The following GFRA1 variants were observed in gnomAD, a reference collection of about 807,000 sequenced individuals.
GFRA1 encodes GDNF family receptor alpha-1.
Under a neutral mutation model 51.6 loss-of-function variants are expected in GFRA1, and 16 were observed. That is an observed-to-expected ratio of 0.31 (90% confidence interval 0.21 to 0.47). GFRA1 has a LOEUF of 0.47. Among genes scored for constraint, GFRA1 ranks in the 20% least tolerant of loss-of-function variants. The probability of loss-of-function intolerance (pLI) is 1.00; values close to 1 mark genes in which losing one functional copy is unlikely to be tolerated. For missense variants in GFRA1, 530 were observed against 594.3 expected (o/e 0.89, Z 1.13); for synonymous variants, 270 against 241.3 (o/e 1.12, Z -1.10).
At chr10:116,251,956 T>C (rs896508885) in intron 4 of GFRA1, among the ~76,000 whole-genome samples, 25 of 119,652 alleles carry the variant, frequency 2.1e-4, no homozygotes, top group Admixed American at 4.9e-4. Context: ...CAGACAACAA[T>C]AGGCCTCTTT....
intron 6 of GFRA1, among the ~76,000 whole-genome samples, chr10:116,109,335 G>A (rs1004359399): frequency 6.6e-6 from 1 of 152,168 alleles, no homozygotes; most frequent in African/African-American, 2.4e-5. Flanking sequence ...TGTGAAGTAT[G>A]TGCTGCAGAA....
intron 9 of GFRA1, among the ~76,000 whole-genome samples, chr10:116,087,176 C>T (rs1388825016): frequency 6.6e-6 from 1 of 152,208 alleles, no homozygotes; most frequent in Non-Finnish European, 1.5e-5. Flanking sequence ...CAGTACAGAT[C>T]CTCCTTGCAG....
intron 5 of GFRA1, among the ~76,000 whole-genome samples, chr10:116,158,303 A>G (rs1959367211): frequency 6.6e-6 from 1 of 152,214 alleles, no homozygotes; most frequent in Admixed American, 6.5e-5. Flanking sequence ...AAGTACACAG[A>G]GAAAATATAC....
chr10:116,094,774 C>T (rs1443073185), intron 7 of GFRA1, among the ~76,000 whole-genome samples: 3 of 152,160 alleles, frequency 2.0e-5, no homozygotes, highest in Non-Finnish European at 4.4e-5. Flanking sequence ...CTGACATGAA[C>T]TAAATAACAT....
chr10:116,167,800 G>T (rs1438155420), intron 5 of GFRA1, among the ~76,000 whole-genome samples: 2 of 152,174 alleles, frequency 1.3e-5, no homozygotes, highest in East Asian at 3.9e-4. Flanking sequence ...CCTGAGGAAT[G>T]CTGCTTTACA....
Position 116,057,219 on chromosome 10 carries a change from A to C in GFRA1, c.*7179T>G, listed in dbSNP as rs1954584849. On this transcript the variant is annotated 3_prime_UTR_variant, in exon 11 of 11. Coordinates refer to ENST00000355422, the MANE Select transcript of GFRA1 (RefSeq NM_005264.8). ...AGCAGATACACAGGACGATGGACAAATGTGTCATCTTCTACCAGTGGGAAG... is the reference window on the plus strand; with the variant it reads ...AGCAGATACACAGGACGATGGACAACTGTGTCATCTTCTACCAGTGGGAAG... 1.3e-5 allele frequency: 2 copies of C among 152,158 alleles called. No homozygotes were observed. Among genetic ancestry groups the C allele is most frequent in the Non-Finnish European group, 2.9e-5 (2 of 68,038 alleles). 9.4% of individuals were successfully genotyped at this position (152,158 alleles called of 1,614,324 possible).
At chr10:116,173,107 T>G (rs1230292225) in intron 5 of GFRA1, among the ~76,000 whole-genome samples, 2 of 152,220 alleles carry the variant, frequency 1.3e-5, no homozygotes, top group African/African-American at 4.8e-5. Flanking sequence ...AGCAAGTACT[T>G]CTTTTTTTAA....
At chr10:116,239,592 C>A (rs764315395) in intron 4 of GFRA1, among the ~76,000 whole-genome samples, 2 of 152,132 alleles carry the variant, frequency 1.3e-5, no homozygotes, top group Admixed American at 1.3e-4. Context: ...CGTAACTTAA[C>A]AATGAATTCC....
intron 4 of GFRA1, among the ~76,000 whole-genome samples, chr10:116,225,643 G>A (rs750116847): frequency 6.7e-6 from 1 of 149,902 alleles, no homozygotes; most frequent in Non-Finnish European, 1.5e-5. Context: ...AGGCTGGAAT[G>A]CAGTGGTGTG....
At chr10:116,264,442 C>T (rs549040313) in intron 4 of GFRA1, among the ~76,000 whole-genome samples, 3 of 152,146 alleles carry the variant, frequency 2.0e-5, no homozygotes, top group Non-Finnish European at 4.4e-5. Flanking sequence ...GAGTTGACAC[C>T]TGGCATAACA....
chr10:116,065,670 G>C (rs775001184), intron 9 of GFRA1, 44 bp from the exon 10 acceptor site: 3 of 1,480,128 alleles, frequency 2.0e-6, no homozygotes, highest in East Asian at 2.3e-5. Context: ...TAATACAGAA[G>C]AGTAATTACT....
intron 5 of GFRA1, among the ~76,000 whole-genome samples, chr10:116,198,602 G>A (rs1362129094): frequency 1.3e-5 from 2 of 152,152 alleles, no homozygotes; most frequent in East Asian, 1.9e-4. Context: ...AAAGCTACTC[G>A]CCGTGTTTTC....
intron 9 of GFRA1, among the ~76,000 whole-genome samples, chr10:116,069,893 T>G (rs1224152172): frequency 2.6e-5 from 4 of 152,120 alleles, no homozygotes; most frequent in South Asian, 2.1e-4. Context: ...TCACTCTGAT[T>G]ATGGAATTGG....
At chr10:116,180,209 G>A (rs1038879043) in intron 5 of GFRA1, among the ~76,000 whole-genome samples, 1 of 152,076 alleles carries the variant, frequency 6.6e-6, no homozygotes, top group Non-Finnish European at 1.5e-5. Context: ...TATTTCCAGA[G>A]GAAAATTCAT....
At chr10:116,233,472 T>C (rs1966809886) in intron 4 of GFRA1, among the ~76,000 whole-genome samples, 1 of 152,178 alleles carries the variant, frequency 6.6e-6, no homozygotes, top group Admixed American at 6.5e-5. Flanking sequence ...AAGTTTATGA[T>C]TTCCTGCACA....
At chr10:116,160,281 T>A (rs1432021167) in intron 5 of GFRA1, among the ~76,000 whole-genome samples, 2 of 152,260 alleles carry the variant, frequency 1.3e-5, no homozygotes, top group Non-Finnish European at 2.9e-5. Context: ...AGGAAAGATA[T>A]TTTTAATTTC....
intron 9 of GFRA1, among the ~76,000 whole-genome samples, chr10:116,069,961 G>A (rs192690723): frequency 1.3e-5 from 2 of 152,240 alleles, no homozygotes; most frequent in East Asian, 1.9e-4. Context: ...CTCCATTTCT[G>A]TAGAGAAGCC....
At chr10:116,237,574 CA>C (rs5788145) in intron 4 of GFRA1, among the ~76,000 whole-genome samples, 46,027 of 112,270 alleles carry the variant, frequency 0.41, 8,051 homozygotes, top group Middle Eastern at 0.5. Context: ...AAACTAAAGG[CA>C]AAAAAAAAAA....
intron 4 of GFRA1, among the ~76,000 whole-genome samples, chr10:116,251,301 T>C (rs1298330138): frequency 2.6e-5 from 4 of 152,044 alleles, no homozygotes; most frequent in Non-Finnish European, 5.9e-5. Context: ...CCAAAGAATC[T>C]TGACAAAGCT....
Sources: allele counts gnomAD v4.1 joint callset (sites outside exome capture counted in the v4.1 genomes callset), GRCh38; gene constraint gnomAD v4.1.1; transcripts MANE v1.5; gene names NCBI Gene and HGNC (gene_info 2026-07-23, HGNC 2026-07-21).